The following HSPA12A variants were observed in gnomAD, a reference collection of about 807,000 sequenced individuals.
HSPA12A encodes the protein heat shock 70 kDa protein 12A.
In HSPA12A, 28 loss-of-function variants were observed where a neutral mutation model predicts 69.2. The ratio of observed to expected loss-of-function variants is 0.40; its 90% CI spans 0.30 to 0.55. The LOEUF (loss-of-function observed/expected upper bound fraction) is 0.55. Among genes scored for constraint, HSPA12A ranks in the 20% least tolerant of loss-of-function variants. HSPA12A has a pLI of 0.38. For synonymous variants in HSPA12A, 345 were observed against 370.5 expected (o/e 0.93, Z 0.79); for missense variants, 686 against 900.7 (o/e 0.76, Z 3.05).
chr10:116,846,943 T>C lies in HSPA12A; in HGVS notation c.3+2623A>G, dbSNP rs1438433669. 2.0e-5 allele frequency among the ~76,000 whole-genome samples: 3 copies of C among 152,286 alleles called. No homozygotes were observed. The East Asian group carries it at 5.8e-4, about 29-fold the overall frequency. ...GGTAGCTCCTTGCCTTCCCTTTATG[T>C]CCTAAATCTATTCCTTCCCCAAAAT... On this transcript the variant is annotated intron_variant, in intron 1 of 12. Coordinates refer to the HSPA12A transcript ENST00000635765.
chr10:116,674,466 C>T lies in HSPA12A; in HGVS notation c.*315G>A, dbSNP rs562535070. The T allele has an allele frequency of 3.8e-5, 14 of 371,414 alleles. No individual in the cohort carries two copies. The East Asian group carries it at 6.1e-4, about 16-fold the overall frequency. The allele number at this position is 371,414 out of a possible 1,614,324, so 23.0% of individuals were successfully genotyped here. Reference sequence around the variant, plus strand: ...CATAACGGAGATCTGTTCAAAGCAGCGCAACCACTGCTGCAGAAATGTACT... The same window carrying T: ...CATAACGGAGATCTGTTCAAAGCAGTGCAACCACTGCTGCAGAAATGTACT... On this transcript the variant is annotated 3_prime_UTR_variant, in exon 12 of 12. Coordinates refer to ENST00000369209, the MANE Select transcript of HSPA12A (RefSeq NM_025015.3).
chr10:116,842,075 A>G (rs758904565), intron 1 of HSPA12A, among the ~76,000 whole-genome samples: 1 of 152,238 alleles, frequency 6.6e-6, no homozygotes, highest in Non-Finnish European at 1.5e-5. Flanking sequence ...GATTTTGCTA[A>G]TAACAAACAG....
At position 116,675,217 on chromosome 10, in the gene HSPA12A, C is replaced by A. The variant is rs201237054; in HGVS notation, c.1592G>T (p.Arg531Leu). The A allele has an allele frequency of 6.2e-7, 1 of 1,613,536 alleles. No individual in the cohort carries two copies. The highest frequency in any genetic ancestry group is 1.7e-5 in the Admixed American group (1 of 59,994). The change falls in exon 12 of 12, where the codon CGC becomes CTC. Residue 531 changes from arginine to leucine, a missense_variant. Coordinates refer to ENST00000369209, the MANE Select transcript of HSPA12A (RefSeq NM_025015.3). This position sits in a 1 kb window ranked among gnomAD's most constrained non-coding sequence, Gnocchi z 5.2. Reference sequence around the variant, plus strand: ...TACCCCGTAGGTGAGCGGCGACCGGCGCACCTTGATGACCGCGGGGTCCAG... The same window carrying A: ...TACCCCGTAGGTGAGCGGCGACCGGAGCACCTTGATGACCGCGGGGTCCAG... ...FGLDPAVIKV[R>L]RSPLTYGVGV... is the part of the protein sequence containing the mutation.
chr10:116,838,042 C>A (rs962890835), intron 1 of HSPA12A, among the ~76,000 whole-genome samples: 1 of 151,940 alleles, frequency 6.6e-6, no homozygotes, highest in Non-Finnish European at 1.5e-5. Context: ...TTCTGCCTGG[C>A]TCTGAGTCCC....
chr10:116,709,479 C>G (rs1482190905), intron 1 of HSPA12A, among the ~76,000 whole-genome samples: 1 of 149,412 alleles, frequency 6.7e-6, no homozygotes, highest in East Asian at 2.0e-4. Flanking sequence ...AAGGGATAAA[C>G]CAAATGTGGT....
At chr10:116,807,493 C>T (rs922627146) in intron 2 of HSPA12A, among the ~76,000 whole-genome samples, 1 of 152,164 alleles carries the variant, frequency 6.6e-6, no homozygotes, top group Non-Finnish European at 1.5e-5. Flanking sequence ...GTGTGCCACA[C>T]ATACCCTGCC....
At position 116,674,903 on chromosome 10, in the gene HSPA12A, C is replaced by G. The variant is rs572633301; in HGVS notation, c.1906G>C (p.Val636Leu). 73 of 1,614,146 alleles carry G rather than the reference C, an allele frequency of 4.5e-5. No individual in the cohort carries two copies. In the South Asian group the frequency reaches 7.7e-4, roughly 17 times the overall value. The change falls in exon 12 of 12, where the codon GTG (valine) becomes CTG (leucine). Residue 636 changes from valine to leucine, a missense_variant. Physicochemically the swap from Val to Leu is conservative, Grantham distance 32. Coordinates refer to ENST00000369209, the MANE Select transcript of HSPA12A (RefSeq NM_025015.3). ...GTCTGGATCTCCCTCCGGGCGGGCACCGCAGTGCCACTGGTCCCTGTGAGA... is the reference window on the plus strand; with the variant it reads ...GTCTGGATCTCCCTCCGGGCGGGCAGCGCAGTGCCACTGGTCCCTGTGAGA... ...LDLTGTSGTA[V>L]PARREIQTLM...
intron 10 of HSPA12A, among the ~76,000 whole-genome samples, chr10:116,677,783 T>C (rs1011191133): frequency 1.3e-5 from 2 of 152,160 alleles, no homozygotes; most frequent in African/African-American, 4.8e-5. Context: ...ACAAATGTCA[T>C]GTCAAAGGGA....
Position 116,673,325 on chromosome 10 carries a change from TAAAAGGG to T in HSPA12A, c.*1449_*1455del, listed in dbSNP as rs1849138436. 16 of 152,060 alleles carry T rather than the reference TAAAAGGG, an allele frequency of 1.1e-4. No individual in the cohort carries two copies. Among genetic ancestry groups the T allele is most frequent in the Admixed American group, 1.0e-3 (16 of 15,264 alleles). The allele number at this position is 152,060 out of a possible 1,614,324, so 9.4% of individuals were successfully genotyped here. On this transcript the variant is annotated 3_prime_UTR_variant, in exon 12 of 12. Transcript: ENST00000369209. ...CTCCCCTGGCCCTTCCTGTGAGGGTTAAAAGGGCCATCTCCAAGCCAGGTGGAGCCCC... is the reference window on the plus strand; with the variant it reads ...CTCCCCTGGCCCTTCCTGTGAGGGTTCCATCTCCAAGCCAGGTGGAGCCCC...
intron 1 of HSPA12A, among the ~76,000 whole-genome samples, chr10:116,731,474 C>T (rs541342540): frequency 2.0e-5 from 3 of 152,324 alleles, no homozygotes; most frequent in African/African-American, 7.2e-5. Context: ...GGACTGACTA[C>T]AGCCCATCAC....
chr10:116,788,639 G>A (rs1380719259), intron 2 of HSPA12A, among the ~76,000 whole-genome samples: 2 of 141,376 alleles, frequency 1.4e-5, no homozygotes, highest in East Asian at 2.1e-4. Context: ...ATGGGACTGT[G>A]CAACACACCC....
chr10:116,768,134 G>A (rs1554889970), intron 2 of HSPA12A, among the ~76,000 whole-genome samples: 1 of 152,158 alleles, frequency 6.6e-6, no homozygotes, highest in East Asian at 1.9e-4. Context: ...TGGATCAAAT[G>A]TGTTCTCTCC....
chr10:116,699,658 C>A (rs1376277476), intron 4 of HSPA12A, among the ~76,000 whole-genome samples: 1 of 152,210 alleles, frequency 6.6e-6, no homozygotes, highest in African/African-American at 2.4e-5. Context: ...CTGCCTTCTG[C>A]TCCTGGTGCC....
rs1425682415 is a variant in HSPA12A at position 116,675,101 on chromosome 10, T to G, written c.1708A>C (p.Lys570Gln). 1 of 1,613,892 alleles carries G rather than the reference T, an allele frequency of 6.2e-7. No individual in the cohort carries two copies. The change falls in exon 12 of 12, where the codon AAG becomes CAG. Residue 570 changes from lysine to glutamine, a missense_variant. Coordinates refer to ENST00000369209, the MANE Select transcript of HSPA12A (RefSeq NM_025015.3). This position sits in a 1 kb window ranked among gnomAD's most constrained non-coding sequence, Gnocchi z 5.2. Reference protein sequence around the residue: ...GTRWCTDVFDKFISADQSVAL... With the variant: ...GTRWCTDVFDQFISADQSVAL... The stretch of plus-strand genomic sequence containing the variant: ...ACAGACTGGTCGGCAGAGATGAACT[T>G]GTCAAAGACGTCGGTGCACCACCGA...
At chr10:116,799,562 C>T (rs548650575) in intron 2 of HSPA12A, among the ~76,000 whole-genome samples, 19 of 152,236 alleles carry the variant, frequency 1.2e-4, no homozygotes, top group African/African-American at 4.6e-4. Context: ...TCTTACAAGG[C>T]CTGGTGCCAT....
In HSPA12A at chr10:116,671,339, A is replaced by T. The variant is rs1308733149; in HGVS notation, c.*3442T>A. ...AGACCCCAGTAGCTGATATTTTAGA[A>T]TACTGGTCCATATTTCAAGCAGATG... On this transcript the variant is annotated 3_prime_UTR_variant, in exon 12 of 12. Transcript: ENST00000369209. 6.6e-6 allele frequency: 1 copy of T among 152,184 alleles called. No individual in the cohort carries two copies. Among genetic ancestry groups the T allele is most frequent in the East Asian group, 1.9e-4 (1 of 5,198 alleles). The allele number at this position is 152,184 out of a possible 1,614,324, so 9.4% of individuals were successfully genotyped here.
chr10:116,802,469 C>T (rs911088866), intron 2 of HSPA12A, among the ~76,000 whole-genome samples: 2 of 152,230 alleles, frequency 1.3e-5, no homozygotes, highest in Non-Finnish European at 2.9e-5. Flanking sequence ...TGAGAGGATG[C>T]ACCTTCAAGG....
At chr10:116,772,084 C>T (rs1844224363) in intron 2 of HSPA12A, among the ~76,000 whole-genome samples, 1 of 152,224 alleles carries the variant, frequency 6.6e-6, no homozygotes, top group African/African-American at 2.4e-5. Flanking sequence ...GAGATGACAG[C>T]ACAGGACGGG....
chr10:116,768,349 G>T (rs1018034350), intron 2 of HSPA12A, among the ~76,000 whole-genome samples: 14 of 152,308 alleles, frequency 9.2e-5, no homozygotes, highest in Non-Finnish European at 2.1e-4. Flanking sequence ...GGGCTGTGGG[G>T]AGGGGGAATA....
Sources: gnomAD v4.1 joint callset for allele counts (sites outside exome capture counted in the v4.1 genomes callset) on GRCh38, gnomAD v4.1.1 for gene constraint, Gnocchi (gnomAD v3.1) non-coding constraint, MANE v1.5 for transcripts, NCBI Gene and HGNC (gene_info 2026-07-23, HGNC 2026-07-21) for gene names.